Variants in MIA2 observed in about 807,000 individuals in gnomAD.
MIA2 encodes the protein melanoma inhibitory activity protein 2.
In MIA2, 127 loss-of-function variants were observed where a neutral mutation model predicts 167.8. That is an observed-to-expected ratio of 0.76 (90% CI 0.66 to 0.88). The LOEUF (loss-of-function observed/expected upper bound fraction) is 0.88, where lower values mean the gene tolerates loss of function less well. MIA2 is among the 40% of genes least tolerant of loss of function. The pLI, the probability that MIA2 is intolerant of heterozygous loss-of-function variation, is 0.00. For missense variants in MIA2, 1,690 were observed against 1,624.7 expected, an observed-to-expected ratio of 1.04 and a Z score of -0.69; for synonymous variants, 552 against 541.9, an observed-to-expected ratio of 1.02 and a Z score of -0.26.
intron 13 of MIA2, among the ~76,000 whole-genome samples, chr14:39,298,443 A>ATATATATATATATATATATACATGT (rs1372100362): frequency 2.0e-5 from 1 of 50,056 alleles, no homozygotes; most frequent in Non-Finnish European, 3.5e-5. Flanking sequence ...ATATATATAT[A>ATATATATATATATATATATACATGT]AAGATTAGTT....
intron 23 of MIA2, among the ~76,000 whole-genome samples, chr14:39,362,982 T>G (rs2139288508): frequency 6.6e-6 from 1 of 152,344 alleles, no homozygotes; most frequent in East Asian, 1.9e-4. Context: ...CATGTATTTG[T>G]ATAGTTTCCA....
rs1250591421 is a variant in MIA2 at position 39,279,507 on chromosome 14, A to G, written c.2100A>G (p.Leu700=). The part of the protein sequence containing the change: ...LSGLIEEKSK[L]LEKFSLVQKE... ...GACTAATTGAAGAAAAAAGTAAACT[A>G]CTTGAAAAATTTAGCCTTGTTCAAA... Residue 700 remains leucine, a synonymous_variant, in exon 9 of 29, where the codon CTA becomes CTG. Transcript: ENST00000640607. 1.2e-6 allele frequency: 2 copies of G among 1,607,552 alleles called. No homozygotes were observed. Among genetic ancestry groups the G allele is most frequent in the East Asian group, 2.2e-5 (1 of 44,772 alleles).
intron 25 of MIA2, among the ~76,000 whole-genome samples, chr14:39,336,057 C>T (rs114085176): frequency 0.031 from 4,783 of 152,196 alleles, 273 homozygotes; most frequent in African/African-American, 0.11. Flanking sequence ...AATAGTGTTA[C>T]GATAAACATG....
chr14:39,319,157 G>C (rs2065973724), intron 22 of MIA2, 52 bp from the exon 23 acceptor site: 1 of 1,035,500 alleles, frequency 9.7e-7, no homozygotes, highest in South Asian at 1.8e-5. Context: ...ATTTTTTCTT[G>C]TGGTGCTTCT....
At chr14:39,286,310 T>C (rs906912744) in intron 9 of MIA2, among the ~76,000 whole-genome samples, 1 of 151,794 alleles carries the variant, frequency 6.6e-6, no homozygotes, top group African/African-American at 2.4e-5. Context: ...TCAGGTGTGG[T>C]GGCGCGCGCC....
At chr14:39,304,480 A>C in intron 17 of MIA2, 99 bp downstream of exon 17, 1 of 641,558 alleles carries the variant, frequency 1.6e-6, no homozygotes, top group Non-Finnish European at 2.5e-6. Context: ...GGGAAGATCC[A>C]ATTTTATTTT....
chr14:39,314,996 G>A, intron 20 of MIA2, 197 bp downstream of exon 20: 3 of 436,412 alleles, frequency 6.9e-6, no homozygotes, highest in Non-Finnish European at 1.2e-5. Flanking sequence ...TAAAATTGCT[G>A]TATTGGCTGG....
chr14:39,248,145 G>C lies in MIA2; in HGVS notation c.1567+4G>C. On this transcript the variant is annotated splice_donor_region_variant and intron_variant, in intron 4 of 28. Transcript: ENST00000640607. Reference sequence around the variant, plus strand: ...AAAAGTTCATACAGTCTGTCAGGTTGGTATGAAAATATTTACATTAGAATT... The same window carrying C: ...AAAAGTTCATACAGTCTGTCAGGTTCGTATGAAAATATTTACATTAGAATT... The C allele has an allele frequency of 7.3e-7, 1 of 1,361,996 alleles. No individual in the cohort carries two copies. The allele number at this position is 1,361,996 out of a possible 1,614,324, so 84.4% of individuals were successfully genotyped here. A position where few individuals can be genotyped will look rare whatever the true frequency, so the allele number is the denominator to read the frequency against.
intron 9 of MIA2, 102 bp from the exon 10 acceptor site, chr14:39,290,917 T>G: frequency 2.9e-6 from 3 of 1,034,356 alleles, no homozygotes; most frequent in Non-Finnish European, 2.8e-6. Flanking sequence ...AAATTTAATG[T>G]ATTATGTGGA....
intron 23 of MIA2, among the ~76,000 whole-genome samples, chr14:39,378,749 T>C (rs967871464): frequency 3.9e-5 from 6 of 152,208 alleles, no homozygotes; most frequent in African/African-American, 1.4e-4. Context: ...TATTTGACAA[T>C]ACTTCCTGTA....
At chr14:39,290,983 G>A (rs1254063266) in intron 9 of MIA2, 36 bp from the exon 10 acceptor site, 3 of 1,542,886 alleles carry the variant, frequency 1.9e-6, no homozygotes, top group African/African-American at 1.4e-5. Flanking sequence ...GAATACAATT[G>A]GTAGAGTTTT....
At chr14:39,330,039 G>A (rs1015455425) in intron 25 of MIA2, among the ~76,000 whole-genome samples, 6 of 152,172 alleles carry the variant, frequency 3.9e-5, no homozygotes, top group Non-Finnish European at 8.8e-5. Flanking sequence ...GTTTCAGAAG[G>A]AATGGTACCA....
intron 23 of MIA2, among the ~76,000 whole-genome samples, chr14:39,369,829 G>C (rs1296987336): frequency 1.4e-5 from 2 of 144,206 alleles, no homozygotes; most frequent in Non-Finnish European, 3.0e-5. Context: ...GCATTATTTT[G>C]TTTTGTTTTG....
intron 18 of MIA2, among the ~76,000 whole-genome samples, chr14:39,310,453 T>C (rs2064051495): frequency 6.6e-6 from 1 of 152,098 alleles, no homozygotes; most frequent in Non-Finnish European, 1.5e-5. Flanking sequence ...TGGCTGTGAG[T>C]TCAATGTCAA....
At chr14:39,346,157 G>A in intron 26 of MIA2, 131 bp downstream of exon 26, 2 of 739,464 alleles carry the variant, frequency 2.7e-6, no homozygotes, top group Non-Finnish European at 4.6e-6. Context: ...TCCTGAAAAT[G>A]TCCTGGTTTT....
intron 23 of MIA2, among the ~76,000 whole-genome samples, chr14:39,358,904 C>G (rs761742531): frequency 6.6e-6 from 1 of 152,170 alleles, no homozygotes; most frequent in Non-Finnish European, 1.5e-5. Context: ...CCTGATCGTT[C>G]CTCTGAAAGT....
At chr14:39,239,392 C>G (rs2053940680) in intron 2 of MIA2, among the ~76,000 whole-genome samples, 1 of 151,818 alleles carries the variant, frequency 6.6e-6, no homozygotes, top group South Asian at 2.1e-4. Context: ...CACACACACA[C>G]AAATTAGTGG....
intron 13 of MIA2, among the ~76,000 whole-genome samples, chr14:39,296,934 C>G (rs1566793455): frequency 1.4e-5 from 2 of 147,784 alleles, no homozygotes; most frequent in Admixed American, 6.8e-5. Context: ...TGCCACCACG[C>G]CCGGCTAATT....
chr14:39,248,927 C>T (rs999601635), intron 4 of MIA2, among the ~76,000 whole-genome samples: 3 of 151,894 alleles, frequency 2.0e-5, no homozygotes, highest in East Asian at 1.9e-4. Context: ...TTTGTAGAGA[C>T]GGGGTTTCAC....
Sources: allele counts gnomAD v4.1 joint callset (sites outside exome capture counted in the v4.1 genomes callset), GRCh38; gene constraint gnomAD v4.1.1; transcripts MANE v1.5; gene names NCBI Gene and HGNC (gene_info 2026-07-23, HGNC 2026-07-21).